LRRC4C: variants seen among roughly 807,000 people sequenced by gnomAD.
LRRC4C encodes leucine rich repeat containing 4C.
Under a neutral mutation model 33.6 loss-of-function variants are expected in LRRC4C, and 5 were observed. The ratio of observed to expected loss-of-function variants is 0.15; its 90% CI spans 0.08 to 0.31. LRRC4C has a LOEUF of 0.31. Among genes scored for constraint, LRRC4C ranks in the 10% least tolerant of loss-of-function variants. LRRC4C has a pLI of 1.00. For missense variants in LRRC4C, 560 were observed against 796.7 expected (o/e 0.70, Z 3.58); for synonymous variants, 329 against 302.0 (o/e 1.09, Z -0.93).
At chr11:41,133,986 C>T (rs1011653379) in intron 1 of LRRC4C, among the ~76,000 whole-genome samples, 2 of 152,156 alleles carry the variant, frequency 1.3e-5, no homozygotes, top group Non-Finnish European at 2.9e-5. Context: ...TATAAATCCA[C>T]ACTCTAATTC....
chr11:40,662,919 ATAG>A (rs1213431687), intron 2 of LRRC4C, among the ~76,000 whole-genome samples: 3 of 152,200 alleles, frequency 2.0e-5, no homozygotes, highest in East Asian at 1.9e-4. Flanking sequence ...GATATTTGAA[ATAG>A]TAGTAGTGGT....
chr11:40,587,875 T>C (rs1225497158), intron 3 of LRRC4C, among the ~76,000 whole-genome samples: 2 of 152,218 alleles, frequency 1.3e-5, no homozygotes, highest in Admixed American at 6.5e-5. Context: ...GGATTCGTTT[T>C]GCCACTATTT....
intron 1 of LRRC4C, among the ~76,000 whole-genome samples, chr11:41,239,976 A>C (rs1203373688): frequency 6.6e-6 from 1 of 152,174 alleles, no homozygotes; most frequent in African/African-American, 2.4e-5. Context: ...ACATAATTTT[A>C]CCCATTCTGG....
intron 1 of LRRC4C, among the ~76,000 whole-genome samples, chr11:41,373,224 T>G (rs1952818068): frequency 6.6e-6 from 1 of 152,212 alleles, no homozygotes; most frequent in Non-Finnish European, 1.5e-5. Context: ...TTTTCAGCAT[T>G]TTAATAGCAT....
At chr11:40,964,322 AAG>A (rs1851181629) in intron 1 of LRRC4C, among the ~76,000 whole-genome samples, 1 of 151,830 alleles carries the variant, frequency 6.6e-6, no homozygotes, top group Non-Finnish European at 1.5e-5. Context: ...AGCAAAAAGA[AAG>A]AAAATAAAAA....
chr11:41,337,331 C>T (rs543321048), intron 1 of LRRC4C, among the ~76,000 whole-genome samples: 18 of 152,252 alleles, frequency 1.2e-4, no homozygotes, highest in African/African-American at 3.9e-4. Flanking sequence ...CAGGTGTAAG[C>T]CACTGCACCT....
At position 40,940,007 on chromosome 11, in the gene LRRC4C, G is replaced by C. The variant is rs548831725; in HGVS notation, c.-495-6284C>G. Among the ~76,000 whole-genome samples the C allele has an allele frequency of 7.2e-5, 11 of 152,246 alleles. No individual in the cohort carries two copies. In the South Asian group the frequency reaches 1.7e-3, roughly 23 times the overall value. ...TGCTGGATTACCATGTAACAAACTTGAGTCCAGTTTGGTTCTATCTCTCAA... is the reference window on the plus strand; with the variant it reads ...TGCTGGATTACCATGTAACAAACTTCAGTCCAGTTTGGTTCTATCTCTCAA... On this transcript the variant is annotated intron_variant, in intron 1 of 6. Coordinates refer to ENST00000528697, the MANE Select transcript of LRRC4C (RefSeq NM_001258419.2).
chr11:40,247,497 T>C (rs1259165786), intron 4 of LRRC4C, among the ~76,000 whole-genome samples: 2 of 152,126 alleles, frequency 1.3e-5, no homozygotes, highest in Non-Finnish European at 2.9e-5. Flanking sequence ...TATGACGAGA[T>C]AACATTATAC....
At chr11:40,223,200 A>G (rs992724640) in intron 5 of LRRC4C, among the ~76,000 whole-genome samples, 1 of 152,182 alleles carries the variant, frequency 6.6e-6, no homozygotes, top group Non-Finnish European at 1.5e-5. Flanking sequence ...ACTAGTTAAC[A>G]TGGCAAAAAT....
chr11:41,259,333 T>A (rs1948902285), intron 1 of LRRC4C, among the ~76,000 whole-genome samples: 1 of 152,060 alleles, frequency 6.6e-6, no homozygotes, highest in African/African-American at 2.4e-5. Context: ...AATTTCCTGG[T>A]AGACATGGTT....
intron 2 of LRRC4C, among the ~76,000 whole-genome samples, chr11:40,859,169 AG>A (rs1381568787): frequency 1.3e-4 from 20 of 152,214 alleles, no homozygotes; most frequent in Admixed American, 1.3e-3. Context: ...AGTAATATAG[AG>A]GGTTAAGAGA....
intron 1 of LRRC4C, among the ~76,000 whole-genome samples, chr11:41,197,477 T>C (rs1475655847): frequency 6.6e-6 from 1 of 152,046 alleles, no homozygotes; most frequent in Non-Finnish European, 1.5e-5. Context: ...TCCTGTTCTC[T>C]AGAGGATTTG....
chr11:40,756,445 T>C (rs1484512127), intron 2 of LRRC4C, among the ~76,000 whole-genome samples: 1 of 152,072 alleles, frequency 6.6e-6, no homozygotes, highest in East Asian at 1.9e-4. Flanking sequence ...TTTCATTTTG[T>C]AGCAAAATCC....
chr11:40,981,051 T>C (rs1433675867), intron 1 of LRRC4C, among the ~76,000 whole-genome samples: 1 of 152,208 alleles, frequency 6.6e-6, no homozygotes, highest in Non-Finnish European at 1.5e-5. Flanking sequence ...TTAAATAACA[T>C]GCCTAAGGTC....
intron 3 of LRRC4C, among the ~76,000 whole-genome samples, chr11:40,421,320 C>G (rs193223297): frequency 1.3e-5 from 2 of 152,282 alleles, no homozygotes; most frequent in South Asian, 4.1e-4. Context: ...GAACGTTTTG[C>G]CTTTGGGTCA....
At position 41,123,256 on chromosome 11, in the gene LRRC4C, GTTTTGTT is replaced by G. The variant is rs1333882948; in HGVS notation, c.-495-189540_-495-189534del. Reference sequence around the variant, plus strand: ...AAATGCTTTCTCTATCCTGAGCTATGTTTTGTTTTTTTTTTTTTTTTTTTTTTTTTTT... The same window carrying G: ...AAATGCTTTCTCTATCCTGAGCTATGTTTTTTTTTTTTTTTTTTTTTTTTT... On this transcript the variant is annotated intron_variant, in intron 1 of 6. Coordinates refer to ENST00000528697, the MANE Select transcript of LRRC4C (RefSeq NM_001258419.2). Among the ~76,000 whole-genome samples, 15 of 107,148 alleles carry G rather than the reference GTTTTGTT, an allele frequency of 1.4e-4. 1 individual carries two copies. Among genetic ancestry groups the G allele is most frequent in the South Asian group, 1.3e-3 (4 of 3,182 alleles). The allele number at this position is 107,148 out of a possible 152,430, so 70.3% of individuals were successfully genotyped here. A position where few individuals can be genotyped will look rare whatever the true frequency, so the allele number is the denominator to read the frequency against.
intron 3 of LRRC4C, among the ~76,000 whole-genome samples, chr11:40,432,323 A>G (rs549940759): frequency 6.6e-6 from 1 of 152,308 alleles, no homozygotes; most frequent in African/African-American, 2.4e-5. Context: ...GAACTACTTC[A>G]GTCCATTCCA....
chr11:40,745,958 C>T (rs559121037), intron 2 of LRRC4C, among the ~76,000 whole-genome samples: 1 of 152,306 alleles, frequency 6.6e-6, no homozygotes, highest in Non-Finnish European at 1.5e-5. Flanking sequence ...CTTGCCTCCT[C>T]CACTAAGAAG....
chr11:40,682,073 C>A (rs562587738), intron 2 of LRRC4C, among the ~76,000 whole-genome samples: 1 of 152,054 alleles, frequency 6.6e-6, no homozygotes, highest in South Asian at 2.1e-4. Flanking sequence ...CAAATACCAC[C>A]TGCACCCCAA....
Sources: allele counts gnomAD v4.1 joint callset (sites outside exome capture counted in the v4.1 genomes callset), GRCh38; gene constraint gnomAD v4.1.1; transcripts MANE v1.5; gene names NCBI Gene and HGNC (gene_info 2026-07-23, HGNC 2026-07-21).